NFIA: variants seen among roughly 807,000 people sequenced by gnomAD.
NFIA encodes nuclear factor I A.
A neutral mutation model predicts 62.8 loss-of-function variants in NFIA; 8 were observed. That is an observed-to-expected ratio of 0.13 (90% CI 0.07 to 0.23). NFIA has a LOEUF of 0.23. Among genes scored for constraint, NFIA ranks in the 10% least tolerant of loss-of-function variants. The pLI is 1.00. For missense variants in NFIA, 410 were observed against 642.1 expected, an observed-to-expected ratio of 0.64 and a Z score of 3.91; for synonymous variants, 235 against 238.1, an observed-to-expected ratio of 0.99 and a Z score of 0.12.
chr1:61,354,316 A>C (rs1050670937), intron 5 of NFIA, among the ~76,000 whole-genome samples: 5 of 152,212 alleles, frequency 3.3e-5, no homozygotes, highest in Non-Finnish European at 7.3e-5. Flanking sequence ...TTCTTTAAAT[A>C]CATAGATTCA....
chr1:61,409,077 A>C (rs1553183606), intron 9 of NFIA, among the ~76,000 whole-genome samples: 1 of 152,222 alleles, frequency 6.6e-6, no homozygotes, highest in Non-Finnish European at 1.5e-5. Context: ...TCTTGTCAGC[A>C]CTAAGGGGCA....
chr1:61,169,431 T>A (rs200411932), intron 2 of NFIA, among the ~76,000 whole-genome samples: 3,051 of 152,276 alleles, frequency 0.02, 65 homozygotes, highest in East Asian at 0.092. Context: ...TCCAGTAGAA[T>A]CCTATTTGTC....
At chr1:61,126,246 G>A (rs1646964417) in intron 2 of NFIA, among the ~76,000 whole-genome samples, 1 of 152,146 alleles carries the variant, frequency 6.6e-6, no homozygotes, top group African/African-American at 2.4e-5. Flanking sequence ...TAATAATGCA[G>A]ATTCTTTAAA....
upstream of NFIA, among the ~76,000 whole-genome samples, chr1:61,078,657 C>T (rs1646060577): frequency 6.6e-6 from 1 of 152,194 alleles, no homozygotes. Context: ...TAGCAGCTGT[C>T]TTACACACTT....
intron 2 of NFIA, among the ~76,000 whole-genome samples, chr1:61,112,074 C>T (rs1646702472): frequency 6.6e-6 from 1 of 151,008 alleles, no homozygotes; most frequent in African/African-American, 2.4e-5. Flanking sequence ...GAAGTCAAAA[C>T]AACAAAGAAT....
At chr1:61,336,598 T>A (rs1661621126) in intron 4 of NFIA, among the ~76,000 whole-genome samples, 1 of 152,218 alleles carries the variant, frequency 6.6e-6, no homozygotes, top group South Asian at 2.1e-4. Context: ...TGCATAGTGA[T>A]GGGTAGCTAC....
intron 10 of NFIA, among the ~76,000 whole-genome samples, chr1:61,452,250 T>C (rs368940725): frequency 1.0e-5 from 1 of 98,912 alleles, no homozygotes; most frequent in Non-Finnish European, 1.9e-5. Context: ...CAGGGAGATG[T>C]ATGAATTATT....
At chr1:61,229,962 T>C (rs183840783) in intron 2 of NFIA, among the ~76,000 whole-genome samples, 2 of 152,310 alleles carry the variant, frequency 1.3e-5, no homozygotes, top group Admixed American at 1.3e-4. Context: ...ATGGCTGCTA[T>C]CACCATTATT....
intron 6 of NFIA, among the ~76,000 whole-genome samples, chr1:61,365,843 C>G (rs1302969906): frequency 6.6e-6 from 1 of 152,130 alleles, no homozygotes; most frequent in Non-Finnish European, 1.5e-5. Context: ...TTAATATTCT[C>G]TAATCACGTG....
intron 2 of NFIA, among the ~76,000 whole-genome samples, chr1:61,116,811 A>G (rs922229311): frequency 2.6e-5 from 4 of 152,194 alleles, no homozygotes; most frequent in African/African-American, 9.7e-5. Context: ...CTAAATGAGC[A>G]TTTTGTTAAA....
chr1:61,159,301 A>G (rs1447331214), intron 2 of NFIA, among the ~76,000 whole-genome samples: 1 of 152,182 alleles, frequency 6.6e-6, no homozygotes, highest in Non-Finnish European at 1.5e-5. Context: ...TGAGAGAAAA[A>G]AAGAGGCAAG....
chr1:61,326,336 G>A (rs6691941), intron 3 of NFIA, among the ~76,000 whole-genome samples: 117,774 of 152,130 alleles, frequency 0.77, 45,973 homozygotes, highest in East Asian at 0.94. Flanking sequence ...TCCTGATCCT[G>A]TTTAGTTTGG....
At chr1:61,343,022 A>G (rs550502419) in intron 4 of NFIA, among the ~76,000 whole-genome samples, 233 of 152,380 alleles carry the variant, frequency 1.5e-3, no homozygotes, top group African/African-American at 5.5e-3. Flanking sequence ...TGCTCAATAA[A>G]TATTAGCTCT....
At chr1:61,259,851 T>C (rs1308434592) in intron 2 of NFIA, among the ~76,000 whole-genome samples, 4 of 152,186 alleles carry the variant, frequency 2.6e-5, no homozygotes, top group African/African-American at 9.7e-5. Flanking sequence ...TAAATGACAA[T>C]TGAGGGTTAA....
At chr1:61,192,576 G>A (rs575209373) in intron 2 of NFIA, among the ~76,000 whole-genome samples, 1 of 151,848 alleles carries the variant, frequency 6.6e-6, no homozygotes, top group South Asian at 2.1e-4. Flanking sequence ...GGTGGTGGGC[G>A]CCTGTAATCC....
At chr1:61,210,754 A>G (rs1362060464) in intron 2 of NFIA, among the ~76,000 whole-genome samples, 1 of 152,212 alleles carries the variant, frequency 6.6e-6, no homozygotes, top group Admixed American at 6.5e-5. Context: ...ACCTCACTGG[A>G]CACCTCAAAC....
intron 2 of NFIA, among the ~76,000 whole-genome samples, chr1:61,159,477 C>G (rs1171833994): frequency 6.6e-6 from 1 of 152,074 alleles, no homozygotes; most frequent in Non-Finnish European, 1.5e-5. Context: ...CTGACAAGCT[C>G]GCTGAGACAT....
chr1:61,276,800 A>G (rs1657833030), intron 2 of NFIA, among the ~76,000 whole-genome samples: 1 of 152,136 alleles, frequency 6.6e-6, no homozygotes, highest in Admixed American at 6.5e-5. Flanking sequence ...TAGTTTGAAA[A>G]TATGATTATA....
At chr1:61,412,120 T>A (rs1266162439) in intron 9 of NFIA, among the ~76,000 whole-genome samples, 1 of 151,834 alleles carries the variant, frequency 6.6e-6, no homozygotes, top group African/African-American at 2.4e-5. Context: ...AAGCAGGGAG[T>A]TAAAAAGCTG....
Sources: gnomAD v4.1 joint callset for allele counts (sites outside exome capture counted in the v4.1 genomes callset) on GRCh38, gnomAD v4.1.1 for gene constraint, MANE v1.5 for transcripts, NCBI Gene and HGNC (gene_info 2026-07-23, HGNC 2026-07-21) for gene names.